The following C10orf67 variants were observed in gnomAD, a reference collection of about 807,000 sequenced individuals.
C10orf67 encodes the protein uncharacterized protein C10orf67, mitochondrial.
C10orf67 carries 60 observed loss-of-function variants against 35.6 expected under a neutral mutation model. That is an observed-to-expected ratio of 1.68 (90% confidence interval 1.37 to 2.09). The LOEUF (loss-of-function observed/expected upper bound fraction) is 2.09, where lower values mean the gene tolerates loss of function less well. Ranked by LOEUF, C10orf67 falls within the 30% of genes most tolerant of loss-of-function variation. The pLI is 0.00. For missense variants in C10orf67, 474 were observed against 330.2 expected (o/e 1.44, Z -3.38); for synonymous variants, 167 against 115.8 (o/e 1.44, Z -2.84).
rs182819208 is a variant in C10orf67 at position 23,226,727 on chromosome 10, A to G, written c.1435-2909T>C. Among the ~76,000 whole-genome samples, 1,139 of 152,328 alleles carry G rather than the reference A, an allele frequency of 7.5e-3. 15 individuals are homozygous for G. Among genetic ancestry groups the G allele is most frequent in the African/African-American group, 0.026 (1,071 of 41,572 alleles). On this transcript the variant is annotated intron_variant, in intron 13 of 15. Coordinates refer to ENST00000636213, the MANE Select transcript of C10orf67 (RefSeq NM_001371909.1). ...TAAAGAAGAAAAGAGAGAAGAATCAAATAGATGCAATAAAAAATGATAAAG... is the reference window on the plus strand; with the variant it reads ...TAAAGAAGAAAAGAGAGAAGAATCAGATAGATGCAATAAAAAATGATAAAG...
At chr10:23,324,577 G>C (rs918623720) in intron 2 of C10orf67, among the ~76,000 whole-genome samples, 1 of 152,178 alleles carries the variant, frequency 6.6e-6, no homozygotes, top group South Asian at 2.1e-4. Context: ...CCTCAAGCAT[G>C]AGTCAAGCAC....
intron 6 of C10orf67, 126 bp downstream of exon 6, chr10:23,291,006 T>C: frequency 1.7e-6 from 1 of 588,468 alleles, no homozygotes; most frequent in Non-Finnish European, 3.0e-6. Flanking sequence ...CAAAGATGGC[T>C]ATGAAATTCA....
intron 2 of C10orf67, among the ~76,000 whole-genome samples, chr10:23,327,882 C>T (rs1729624030): frequency 1.3e-5 from 2 of 151,954 alleles, no homozygotes; most frequent in African/African-American, 4.8e-5. Flanking sequence ...ACTGACCTCA[C>T]ACAAAGCCTC....
intron 13 of C10orf67, among the ~76,000 whole-genome samples, chr10:23,235,913 G>C (rs747830748): frequency 1.3e-5 from 2 of 151,958 alleles, no homozygotes; most frequent in Non-Finnish European, 2.9e-5. Context: ...TCAGGAGTTC[G>C]AGACCAGCCT....
rs543953245 is a variant in C10orf67 at position 23,308,896 on chromosome 10, T to C, written c.547-5437A>G. Among the ~76,000 whole-genome samples the C allele has an allele frequency of 4.6e-5, 7 of 152,250 alleles. 1 individual carries two copies. Among genetic ancestry groups the C allele is most frequent in the South Asian group, 4.1e-4 (2 of 4,826 alleles). ...CTGTTGTGGCTATTTTTCATTCAAA[T>C]CCAGATGCCACCTGCTCTGGAAACC... On this transcript the variant is annotated intron_variant, in intron 4 of 15. Coordinates refer to ENST00000636213, the MANE Select transcript of C10orf67 (RefSeq NM_001371909.1).
intron 5 of C10orf67, among the ~76,000 whole-genome samples, chr10:23,292,211 G>T (rs1334331235): frequency 1.3e-5 from 1 of 74,464 alleles, no homozygotes; most frequent in Non-Finnish European, 2.4e-5. Flanking sequence ...CAAAGCTATT[G>T]AAAACATCTG....
At chr10:23,256,886 C>T (rs770525916) in intron 10 of C10orf67, among the ~76,000 whole-genome samples, 15 of 152,116 alleles carry the variant, frequency 9.9e-5, no homozygotes, top group African/African-American at 2.7e-4. Context: ...GTCTGGCCAA[C>T]CAGGCTCAAA....
At chr10:23,275,095 A>G (rs1047590036) in intron 8 of C10orf67, among the ~76,000 whole-genome samples, 1 of 152,062 alleles carries the variant, frequency 6.6e-6, no homozygotes. Context: ...TGTAGGGGAG[A>G]GAATTCTGGG....
chr10:23,241,007 T>C (rs1310434406), intron 12 of C10orf67, among the ~76,000 whole-genome samples: 3 of 152,242 alleles, frequency 2.0e-5, no homozygotes, highest in Non-Finnish European at 4.4e-5. Flanking sequence ...TCAAACGTGC[T>C]ACCTTTCATG....
intron 12 of C10orf67, among the ~76,000 whole-genome samples, chr10:23,240,945 T>G (rs1327879465): frequency 6.6e-6 from 1 of 152,198 alleles, no homozygotes; most frequent in Non-Finnish European, 1.5e-5. Context: ...ATAAGGTTAT[T>G]GGATTCCCAA....
Position 23,333,805 on chromosome 10 carries a change from T to A in C10orf67, c.207-623A>T, listed in dbSNP as rs139533215. Among the ~76,000 whole-genome samples, 1,381 of 152,228 alleles carry A rather than the reference T, an allele frequency of 9.1e-3. 25 individuals are homozygous for A. The highest frequency in any genetic ancestry group is 0.031 in the African/African-American group (1,299 of 41,526). ...GACACTCTTCTCATGAAAGTTTTTG[T>A]TTTAGAACAATACAGCTAGTTTTTC... On this transcript the variant is annotated intron_variant, in intron 1 of 15. Transcript: ENST00000636213.
At chr10:23,291,076 G>C in intron 6 of C10orf67, 56 bp downstream of exon 6, 1 of 661,706 alleles carries the variant, frequency 1.5e-6, no homozygotes, top group Non-Finnish European at 2.8e-6. Flanking sequence ...ATAGTTATGA[G>C]CTTTACAAAG....
intron 15 of C10orf67, among the ~76,000 whole-genome samples, chr10:23,212,905 C>T (rs1841348544): frequency 6.6e-6 from 1 of 150,734 alleles, no homozygotes; most frequent in South Asian, 2.1e-4. Context: ...GCTATCAGAA[C>T]ATGAATTCAC....
At chr10:23,236,304 G>C (rs899016875) in intron 13 of C10orf67, among the ~76,000 whole-genome samples, 9 of 148,384 alleles carry the variant, frequency 6.1e-5, no homozygotes. Context: ...GTGGTGGCGG[G>C]TGCCTGTAAT....
intron 15 of C10orf67, among the ~76,000 whole-genome samples, chr10:23,221,324 C>A (rs1265578650): frequency 1.3e-5 from 2 of 152,110 alleles, no homozygotes; most frequent in Non-Finnish European, 2.9e-5. Flanking sequence ...GGGAAATCAG[C>A]CCCTATAATC....
chr10:23,249,612 A>G (rs984721443), intron 12 of C10orf67, among the ~76,000 whole-genome samples: 13 of 152,240 alleles, frequency 8.5e-5, no homozygotes, highest in African/African-American at 3.1e-4. Flanking sequence ...TAGAATATAC[A>G]TAGCCAGGTA....
intron 15 of C10orf67, among the ~76,000 whole-genome samples, chr10:23,219,812 G>A (rs1841529720): frequency 6.6e-6 from 1 of 152,116 alleles, no homozygotes. Context: ...TATACTGTAT[G>A]TTTTGATACT....
intron 12 of C10orf67, among the ~76,000 whole-genome samples, chr10:23,241,191 T>A (rs1199101411): frequency 2.6e-5 from 4 of 152,242 alleles, no homozygotes; most frequent in Admixed American, 2.0e-4. Context: ...CAAACAAGAA[T>A]GTCTATAGCT....
intron 13 of C10orf67, among the ~76,000 whole-genome samples, chr10:23,228,241 G>C (rs1040313109): frequency 6.6e-6 from 1 of 152,114 alleles, no homozygotes; most frequent in Non-Finnish European, 1.5e-5. Flanking sequence ...CCAAACCAGA[G>C]ATATAGACCA....
Sources: gnomAD v4.1 joint callset for allele counts (sites outside exome capture counted in the v4.1 genomes callset) on GRCh38, gnomAD v4.1.1 for gene constraint, MANE v1.5 for transcripts, NCBI Gene and HGNC (gene_info 2026-07-23, HGNC 2026-07-21) for gene names.